Variants in MAD1L1 observed in about 807,000 individuals in gnomAD.
The protein encoded by MAD1L1 is mitotic arrest deficient 1 like 1, also known as mitotic spindle assembly checkpoint protein MAD1.
In MAD1L1, 95 loss-of-function variants were observed where a neutral mutation model predicts 96.9. That is an observed-to-expected ratio of 0.98 (90% confidence interval 0.83 to 1.16). MAD1L1 has a LOEUF of 1.16. Ranked by LOEUF, MAD1L1 falls within the 50% of genes most tolerant of loss-of-function variation. MAD1L1 has a pLI of 0.00. For synonymous variants in MAD1L1, 473 were observed against 396.6 expected, an observed-to-expected ratio of 1.19 and a Z score of -2.29; for missense variants, 1,007 against 954.4, an observed-to-expected ratio of 1.06 and a Z score of -0.73.
intron 10 of MAD1L1, among the ~76,000 whole-genome samples, chr7:2,155,003 C>T (rs766758204): frequency 3.3e-5 from 5 of 152,276 alleles, no homozygotes; most frequent in Non-Finnish European, 7.4e-5. Context: ...GCTCTGGGCA[C>T]GCGGAGGAGT....
chr7:2,071,840 C>T (rs557488302), intron 11 of MAD1L1, among the ~76,000 whole-genome samples: 7 of 151,722 alleles, frequency 4.6e-5, no homozygotes, highest in South Asian at 4.2e-4. Flanking sequence ...CGGAGGGTGG[C>T]GGCCTCCATC....
At chr7:1,929,692 C>A (rs1374220054) in intron 17 of MAD1L1, among the ~76,000 whole-genome samples, 1 of 151,892 alleles carries the variant, frequency 6.6e-6, no homozygotes, top group Non-Finnish European at 1.5e-5. Context: ...GCTCTTGACT[C>A]TGCAGCCCCG....
At chr7:1,864,698 G>A (rs1282599002) in intron 18 of MAD1L1, among the ~76,000 whole-genome samples, 1 of 152,164 alleles carries the variant, frequency 6.6e-6, no homozygotes, top group African/African-American at 2.4e-5. Flanking sequence ...GGGCCTAACC[G>A]GAGGTGTTTG....
At chr7:1,892,781 G>A (rs531911999) in intron 18 of MAD1L1, among the ~76,000 whole-genome samples, 2 of 152,352 alleles carry the variant, frequency 1.3e-5, no homozygotes, top group South Asian at 2.1e-4. Flanking sequence ...CTGAGCCGGG[G>A]AAGGCCCTGG....
chr7:2,099,522 T>A, intron 11 of MAD1L1, among the ~76,000 whole-genome samples: 1 of 152,240 alleles, frequency 6.6e-6, no homozygotes, highest in East Asian at 1.9e-4. Context: ...ATTTTAGATT[T>A]GCAAAAGAGA....
At position 2,019,543 on chromosome 7, in the gene MAD1L1, G is replaced by T. The variant is rs1273795247; in HGVS notation, c.1219-4901C>A. Among the ~76,000 whole-genome samples, 4 of 152,244 alleles carry T rather than the reference G, an allele frequency of 2.6e-5. No individual in the cohort carries two copies. The East Asian group carries it at 7.7e-4, about 29-fold the overall frequency. Reference sequence around the variant, plus strand: ...ATGCCCCAAAGAGTGCTTAAAAGGTGCACCAGGATTAATAAGTACATGGAG... The same window carrying T: ...ATGCCCCAAAGAGTGCTTAAAAGGTTCACCAGGATTAATAAGTACATGGAG... On this transcript the variant is annotated intron_variant, in intron 12 of 18. Transcript: ENST00000265854.
chr7:2,008,879 C>T (rs912552763), intron 13 of MAD1L1, among the ~76,000 whole-genome samples: 2 of 152,190 alleles, frequency 1.3e-5, no homozygotes, highest in Non-Finnish European at 2.9e-5. Context: ...ACGCAGTGCT[C>T]GGGTTCCCCA....
intron 6 of MAD1L1, 32 bp downstream of exon 6, chr7:2,219,300 G>C: frequency 6.5e-7 from 1 of 1,533,856 alleles, no homozygotes; most frequent in Non-Finnish European, 8.8e-7. Flanking sequence ...CACGTGACCC[G>C]ACCCCCGACC....
chr7:2,038,733 C>T (rs965663189), intron 12 of MAD1L1, among the ~76,000 whole-genome samples: 15 of 127,808 alleles, frequency 1.2e-4, no homozygotes, highest in Admixed American at 6.9e-4. Flanking sequence ...AGGATGGTCT[C>T]GAACTCCTGC....
chr7:2,005,387 G>C (rs916678376), intron 13 of MAD1L1, among the ~76,000 whole-genome samples: 5 of 152,174 alleles, frequency 3.3e-5, no homozygotes, highest in African/African-American at 1.2e-4. Context: ...CGTCCGACAG[G>C]CTGAAAACTT....
chr7:2,122,494 C>T (rs750315750), intron 11 of MAD1L1, among the ~76,000 whole-genome samples: 30 of 152,050 alleles, frequency 2.0e-4, no homozygotes, highest in Admixed American at 3.3e-4. Flanking sequence ...CCCAGCTACT[C>T]GGGAGGCTGA....
intron 10 of MAD1L1, among the ~76,000 whole-genome samples, chr7:2,190,634 G>T (rs1374130083): frequency 6.6e-6 from 1 of 152,062 alleles, no homozygotes; most frequent in African/African-American, 2.4e-5. Flanking sequence ...TAAAAAATGG[G>T]GAAAAGACTT....
chr7:1,823,195 G>A (rs1294630526), intron 18 of MAD1L1, among the ~76,000 whole-genome samples: 2 of 152,012 alleles, frequency 1.3e-5, no homozygotes, highest in Non-Finnish European at 2.9e-5. Flanking sequence ...GGAGCCGGAG[G>A]AGCTGGACAC....
At chr7:2,218,125 G>C in intron 6 of MAD1L1, 82 bp from the exon 7 acceptor site, 2 of 1,039,366 alleles carry the variant, frequency 1.9e-6, no homozygotes, top group East Asian at 4.8e-5. Flanking sequence ...ACCCGCCCCA[G>C]CACAGACCCA....
intron 18 of MAD1L1, chr7:1,838,664 C>CAGTACTGTGTAGATCTCGG: frequency 2.4e-6 from 1 of 408,248 alleles, no homozygotes; most frequent in Admixed American, 2.6e-5. Context: ...CTGCCGACGG[C>CAGTACTGTGTAGATCTCGG]TGGGACTGGG....
Position 2,103,801 on chromosome 7 carries a change from C to A in MAD1L1, c.1074-34463G>T, listed in dbSNP as rs1385827837. The stretch of plus-strand genomic sequence containing the variant: ...CACTGTGCACGGAGTCCCTCCGCAT[C>A]CCCAGGCAGAGGGACAGTCTCACAG... On this transcript the variant is annotated intron_variant, in intron 11 of 18. Transcript: ENST00000265854. The surrounding 1 kb of genome is among the most constrained non-coding windows in gnomAD (Gnocchi z 4.3). Among the ~76,000 whole-genome samples, 2 of 152,204 alleles carry A rather than the reference C, an allele frequency of 1.3e-5. No individual in the cohort carries two copies. Among genetic ancestry groups the A allele is most frequent in the African/African-American group, 4.8e-5 (2 of 41,446 alleles).
intron 13 of MAD1L1, 65 bp downstream of exon 13, chr7:2,014,437 C>G: frequency 6.7e-7 from 1 of 1,493,822 alleles, no homozygotes; most frequent in Non-Finnish European, 8.9e-7. Flanking sequence ...GCCGCAGGCT[C>G]TGCCAAGGCC....
chr7:2,230,375 A>G, intron 2 of MAD1L1, 174 bp downstream of exon 2: 1 of 454,422 alleles, frequency 2.2e-6, no homozygotes, highest in Non-Finnish European at 4.1e-6. Flanking sequence ...GCAAGCCACC[A>G]ATTGAGTCTC....
Position 2,154,195 on chromosome 7 carries a change from G to A in MAD1L1, c.987-4957C>T, listed in dbSNP as rs137879748. Among the ~76,000 whole-genome samples, 127 of 152,242 alleles carry A rather than the reference G, an allele frequency of 8.3e-4. 3 individuals carry two copies. Among genetic ancestry groups the A allele is most frequent in the Middle Eastern group, 3.4e-3 (1 of 294 alleles). On this transcript the variant is annotated intron_variant, in intron 10 of 18. Transcript: ENST00000265854. ...ATGAGAGCCTGTCATTTGTAACAAC[G>A]TGGCTGGAATGGGAGGTGACCGTGT...
Sources: gnomAD v4.1 joint callset for allele counts (sites outside exome capture counted in the v4.1 genomes callset) on GRCh38, gnomAD v4.1.1 for gene constraint, Gnocchi (gnomAD v3.1) non-coding constraint, MANE v1.5 for transcripts, NCBI Gene and HGNC (gene_info 2026-07-23, HGNC 2026-07-21) for gene names.